The following RBFOX1 variants were observed in gnomAD, a reference collection of about 807,000 sequenced individuals.
RBFOX1 encodes the protein RNA binding fox-1 homolog 1, also known as RNA binding protein fox-1 homolog 1.
RBFOX1 carries 8 observed loss-of-function variants against 57.7 expected under a neutral mutation model. The ratio of observed to expected loss-of-function variants is 0.14; its 90% CI spans 0.08 to 0.25. The LOEUF is 0.25. RBFOX1 is among the 10% of genes least tolerant of loss of function. The probability of loss-of-function intolerance (pLI) is 1.00; values close to 1 mark genes in which losing one functional copy is unlikely to be tolerated. For missense variants in RBFOX1, 611 were observed against 548.5 expected (o/e 1.11, Z -1.14); for synonymous variants, 326 against 222.4 (o/e 1.47, Z -4.15).
intron 4 of RBFOX1, among the ~76,000 whole-genome samples, chr16:7,210,829 A>G (rs2090981311): frequency 1.3e-5 from 2 of 152,190 alleles, no homozygotes; most frequent in South Asian, 4.1e-4. Context: ...GATCCAATGT[A>G]CAGTATGATG....
chr16:7,381,439 T>C (rs1597009277), intron 4 of RBFOX1, among the ~76,000 whole-genome samples: 2 of 152,316 alleles, frequency 1.3e-5, no homozygotes, highest in East Asian at 3.9e-4. Context: ...AAATTCCTGT[T>C]TTCTCAATGA....
intron 4 of RBFOX1, among the ~76,000 whole-genome samples, chr16:5,938,222 A>G (rs544733848): frequency 6.6e-6 from 1 of 152,248 alleles, no homozygotes; most frequent in Non-Finnish European, 1.5e-5. Flanking sequence ...TGGGAAGTAT[A>G]TAGCTTTCAG....
intron 10 of RBFOX1, among the ~76,000 whole-genome samples, chr16:7,621,296 C>T (rs1212356096): frequency 2.6e-5 from 4 of 151,818 alleles, no homozygotes; most frequent in Non-Finnish European, 5.9e-5. Context: ...ATGGAGTCTC[C>T]ATCACCCAGG....
chr16:7,185,351 C>G (rs1410570659), intron 4 of RBFOX1, among the ~76,000 whole-genome samples: 1 of 152,110 alleles, frequency 6.6e-6, no homozygotes, highest in Non-Finnish European at 1.5e-5. Flanking sequence ...CACAGAATCT[C>G]AGCCATGATG....
rs193032501 is a variant in RBFOX1 at position 7,549,897 on chromosome 16, A to G, written c.271-29880A>G. ...CTCCTTCAGTCCAATCACGTTGACA[A>G]TATTAACCATCATCATATCCTTCTC... On this transcript the variant is annotated intron_variant, in intron 5 of 15. Coordinates refer to ENST00000550418, the MANE Select transcript of RBFOX1 (RefSeq NM_018723.4). Among the ~76,000 whole-genome samples, 212 of 152,202 alleles carry G rather than the reference A, an allele frequency of 1.4e-3. 1 individual carries two copies. The highest frequency in any genetic ancestry group is 1.6e-3 in the Non-Finnish European group (110 of 67,994).
chr16:6,979,270 A>C (rs1437427801), intron 3 of RBFOX1, among the ~76,000 whole-genome samples: 1 of 152,166 alleles, frequency 6.6e-6, no homozygotes, highest in Non-Finnish European at 1.5e-5. Context: ...TAAAAACCTT[A>C]GAGGATTCTA....
intron 4 of RBFOX1, among the ~76,000 whole-genome samples, chr16:5,956,850 T>A (rs937365125): frequency 2.7e-5 from 4 of 150,172 alleles, no homozygotes; most frequent in Non-Finnish European, 5.9e-5. Flanking sequence ...TTTTTTTTTT[T>A]TATAGAGATG....
intron 3 of RBFOX1, among the ~76,000 whole-genome samples, chr16:5,648,586 A>T (rs1271529312): frequency 2.6e-5 from 4 of 152,152 alleles, no homozygotes; most frequent in Non-Finnish European, 5.9e-5. Context: ...CCTATGATGC[A>T]CAGGACATCT....
At chr16:6,790,718 C>G (rs944020410) in intron 3 of RBFOX1, among the ~76,000 whole-genome samples, 5 of 152,112 alleles carry the variant, frequency 3.3e-5, no homozygotes, top group African/African-American at 1.2e-4. Flanking sequence ...CTCTCCATCC[C>G]TCCTCTTCTT....
At chr16:5,489,376 A>C (rs2042751395) in intron 2 of RBFOX1, among the ~76,000 whole-genome samples, 1 of 152,230 alleles carries the variant, frequency 6.6e-6, no homozygotes, top group South Asian at 2.1e-4. Flanking sequence ...CTCACCTCAA[A>C]GGGCTGGGCT....
intron 1 of RBFOX1, among the ~76,000 whole-genome samples, chr16:5,427,349 C>T (rs911515955): frequency 3.3e-5 from 5 of 152,162 alleles, no homozygotes; most frequent in Admixed American, 6.6e-5. Context: ...CTTTAGGAGG[C>T]AGAGGTGGGT....
At chr16:6,960,830 T>G (rs1482098650) in intron 3 of RBFOX1, among the ~76,000 whole-genome samples, 2 of 151,810 alleles carry the variant, frequency 1.3e-5, no homozygotes, top group African/African-American at 4.8e-5. Context: ...CCAAACAAAG[T>G]CAAAGAGATT....
chr16:6,323,480 A>G (rs537982064), intron 2 of RBFOX1, among the ~76,000 whole-genome samples: 5 of 152,260 alleles, frequency 3.3e-5, no homozygotes, highest in African/African-American at 1.2e-4. Flanking sequence ...ACAAGCAGGT[A>G]CATATTTTGA....
intron 2 of RBFOX1, among the ~76,000 whole-genome samples, chr16:6,551,317 C>G (rs1267359687): frequency 2.0e-5 from 3 of 152,142 alleles, no homozygotes; most frequent in African/African-American, 7.2e-5. Context: ...ATGGTCTAGT[C>G]TGGGGCTGCC....
At position 6,504,136 on chromosome 16, in the gene RBFOX1, C is replaced by A. The variant is rs146539000; in HGVS notation, c.-63-150467C>A. 6.7e-3 allele frequency among the ~76,000 whole-genome samples: 1,014 copies of A among 152,204 alleles called. 9 individuals carry two copies. The highest frequency in any genetic ancestry group is 0.023 in the African/African-American group (954 of 41,532). On this transcript the variant is annotated intron_variant, in intron 2 of 15. Coordinates refer to ENST00000550418, the MANE Select transcript of RBFOX1 (RefSeq NM_018723.4). ...AGGTAAGGTAGTCAGTAGTCATATA[C>A]CTCTAGTGACAAAGAACAACCCCTG...
chr16:7,220,258 C>T (rs932725764), intron 4 of RBFOX1, among the ~76,000 whole-genome samples: 3 of 152,200 alleles, frequency 2.0e-5, no homozygotes, highest in Admixed American at 6.5e-5. Flanking sequence ...TAGTACTCGT[C>T]AGTGGGCGTC....
At chr16:5,770,242 A>G (rs2053932321) in intron 3 of RBFOX1, among the ~76,000 whole-genome samples, 1 of 152,236 alleles carries the variant, frequency 6.6e-6, no homozygotes, top group Non-Finnish European at 1.5e-5. Flanking sequence ...TGATAAAAAT[A>G]GAATGCAATA....
At chr16:7,036,202 ATT>A (rs35241664) in intron 3 of RBFOX1, among the ~76,000 whole-genome samples, 17 of 145,884 alleles carry the variant, frequency 1.2e-4, no homozygotes, top group South Asian at 4.3e-4. Context: ...TCACCTTGAC[ATT>A]TTTTTTTTTT....
intron 3 of RBFOX1, among the ~76,000 whole-genome samples, chr16:5,620,414 G>T (rs115158003): frequency 6.6e-6 from 1 of 152,138 alleles, no homozygotes; most frequent in Admixed American, 6.5e-5. Flanking sequence ...GTGCTGCGTT[G>T]GTTGGCTGGG....
Sources: allele counts gnomAD v4.1 joint callset (sites outside exome capture counted in the v4.1 genomes callset), GRCh38; gene constraint gnomAD v4.1.1; transcripts MANE v1.5; gene names NCBI Gene and HGNC (gene_info 2026-07-23, HGNC 2026-07-21).